CYTH1: variants seen among roughly 807,000 people sequenced by gnomAD.
CYTH1 encodes the protein cytohesin 1.
In CYTH1, 18 loss-of-function variants were observed where a neutral mutation model predicts 61.8. The observed-to-expected ratio is 0.29, with a 90% CI of 0.20 to 0.43. CYTH1 has a LOEUF of 0.43. CYTH1 is among the 20% of genes least tolerant of loss of function. CYTH1 has a pLI of 1.00. For synonymous variants in CYTH1, 174 were observed against 184.3 expected (o/e 0.94, Z 0.45); for missense variants, 336 against 510.5 (o/e 0.66, Z 3.29).
chr17:78,759,974 T>C (rs1333628021), intron 1 of CYTH1, among the ~76,000 whole-genome samples: 6 of 152,198 alleles, frequency 3.9e-5, no homozygotes, highest in African/African-American at 1.4e-4. Flanking sequence ...AGCATGTGCA[T>C]GTATGTACGT....
intron 13 of CYTH1, chr17:78,676,653 A>G (rs531078099): frequency 1.0e-5 from 3 of 289,134 alleles, no homozygotes; most frequent in South Asian, 9.6e-5. Flanking sequence ...TCAGTAACTA[A>G]GGCTCCATGA....
chr17:78,735,202 C>T (rs1481475145), intron 1 of CYTH1, among the ~76,000 whole-genome samples: 1 of 152,186 alleles, frequency 6.6e-6, no homozygotes, highest in Non-Finnish European at 1.5e-5. Flanking sequence ...CCTCATGCCC[C>T]ACCCCCATCA....
intron 1 of CYTH1, among the ~76,000 whole-genome samples, chr17:78,753,059 T>C (rs189179428): frequency 8.1e-4 from 123 of 152,216 alleles, no homozygotes; most frequent in African/African-American, 2.9e-3. Context: ...GGCACATGTA[T>C]GAGTGAGTGT....
intron 11 of CYTH1, among the ~76,000 whole-genome samples, chr17:78,687,076 C>T (rs1255281235): frequency 6.6e-6 from 1 of 152,078 alleles, no homozygotes; most frequent in Admixed American, 6.6e-5. Flanking sequence ...CCACCGCGCC[C>T]AGCCTACATT....
intron 1 of CYTH1, among the ~76,000 whole-genome samples, chr17:78,773,287 C>T (rs1204527601): frequency 2.6e-5 from 4 of 152,068 alleles, no homozygotes; most frequent in Non-Finnish European, 5.9e-5. Context: ...CTGGGTAACA[C>T]AGTGAGACCC....
chr17:78,729,176 T>C (rs536180584), intron 1 of CYTH1, among the ~76,000 whole-genome samples: 1 of 152,280 alleles, frequency 6.6e-6, no homozygotes, highest in African/African-American at 2.4e-5. Flanking sequence ...GGTGTGATCA[T>C]AGCTCACTGC....
Position 78,755,143 on chromosome 17 carries a change from C to G in CYTH1, c.22+27059G>C, listed in dbSNP as rs568151724. On this transcript the variant is annotated intron_variant, in intron 1 of 13. Coordinates refer to ENST00000446868, the MANE Select transcript of CYTH1 (RefSeq NM_004762.6). ...CAGCAATGAAAAGGAACAACTGATA[C>G]CCCCAACAATGAATCTCAAACATAA... is the stretch of plus-strand genomic sequence containing the variant. 4.6e-3 allele frequency among the ~76,000 whole-genome samples: 696 copies of G among 152,208 alleles called. 4 individuals are homozygous for G. The highest frequency in any genetic ancestry group is 7.4e-3 in the Non-Finnish European group (501 of 68,004).
intron 1 of CYTH1, among the ~76,000 whole-genome samples, chr17:78,742,110 T>C (rs2093344076): frequency 1.3e-5 from 2 of 152,264 alleles, no homozygotes; most frequent in African/African-American, 4.8e-5. Flanking sequence ...GCAACATCCT[T>C]GTAACCTTTG....
chr17:78,752,598 A>G (rs1465046564), intron 1 of CYTH1, among the ~76,000 whole-genome samples: 1 of 152,072 alleles, frequency 6.6e-6, no homozygotes, highest in Non-Finnish European at 1.5e-5. Flanking sequence ...ACGCACAGCT[A>G]ATTTTTGTAT....
At chr17:78,679,018 C>T (rs760852409) in intron 13 of CYTH1, among the ~76,000 whole-genome samples, 5 of 152,228 alleles carry the variant, frequency 3.3e-5, no homozygotes, top group Non-Finnish European at 7.3e-5. Flanking sequence ...TCCTTTCCCT[C>T]CATCATCACA....
Position 78,676,088 on chromosome 17 carries a change from CG to C in CYTH1, c.*2del, listed in dbSNP as rs1567817825. The C allele has an allele frequency of 1.2e-6, 2 of 1,605,680 alleles. No individual in the cohort carries two copies. On this transcript the variant is annotated 3_prime_UTR_variant, in exon 14 of 14. Transcript: ENST00000446868. ...CCGCAGACCAACGCCCTTGGCTGCA[CG>C]CTCAGTGTCGCTTCGTGGAGGAGAC...
At chr17:78,708,334 T>A in intron 2 of CYTH1, 73 bp from the exon 3 acceptor site, 2 of 1,379,742 alleles carry the variant, frequency 1.4e-6, no homozygotes, top group Non-Finnish European at 2.0e-6. Flanking sequence ...AAATCTCACA[T>A]AACTCCCTCC....
At chr17:78,720,323 ATTTG>A (rs1567858487) in intron 1 of CYTH1, among the ~76,000 whole-genome samples, 1 of 151,816 alleles carries the variant, frequency 6.6e-6, no homozygotes, top group African/African-American at 2.4e-5. Context: ...TTGTTTTTTT[ATTTG>A]TTTGTTTTTG....
chr17:78,770,575 C>T (rs1012868669), intron 1 of CYTH1, among the ~76,000 whole-genome samples: 5 of 151,910 alleles, frequency 3.3e-5, no homozygotes, highest in African/African-American at 7.3e-5. Context: ...TGCGCCATCA[C>T]GCCTGGCTAA....
intron 1 of CYTH1, among the ~76,000 whole-genome samples, chr17:78,713,378 T>G (rs2093153456): frequency 6.6e-6 from 1 of 152,218 alleles, no homozygotes; most frequent in Non-Finnish European, 1.5e-5. Flanking sequence ...ACATTCATTT[T>G]TTAAAAACAG....
At chr17:78,756,455 C>A (rs1343069377) in intron 1 of CYTH1, among the ~76,000 whole-genome samples, 1 of 151,958 alleles carries the variant, frequency 6.6e-6, no homozygotes. Flanking sequence ...GGAGAAGGAA[C>A]CTGAAAAGTC....
At chr17:78,746,407 C>T (rs559819707) in intron 1 of CYTH1, among the ~76,000 whole-genome samples, 26 of 152,260 alleles carry the variant, frequency 1.7e-4, no homozygotes, top group African/African-American at 4.6e-4. Flanking sequence ...AATGAAATTA[C>T]GCAACACCTG....
In CYTH1 at chr17:78,744,438, C is replaced by T. The variant is rs539059955; in HGVS notation, c.23-34706G>A. 1.3e-4 allele frequency among the ~76,000 whole-genome samples: 20 copies of T among 152,272 alleles called. No homozygotes were observed. The South Asian group carries it at 1.4e-3, about 11-fold the overall frequency. On this transcript the variant is annotated intron_variant, in intron 1 of 13. Coordinates refer to ENST00000446868, the MANE Select transcript of CYTH1 (RefSeq NM_004762.6). ...GGAGACAGCTTAGGGCATACAATCACGCAAGTGTCCTCCAAAGTCCCGAAG... is the reference window on the plus strand; with the variant it reads ...GGAGACAGCTTAGGGCATACAATCATGCAAGTGTCCTCCAAAGTCCCGAAG...
At chr17:78,768,542 G>A (rs541758012) in intron 1 of CYTH1, among the ~76,000 whole-genome samples, 6 of 152,140 alleles carry the variant, frequency 3.9e-5, no homozygotes, top group Admixed American at 6.6e-5. Flanking sequence ...GCTCACCTTC[G>A]TCACCCTGTC....
Sources: gnomAD v4.1 joint callset for allele counts (sites outside exome capture counted in the v4.1 genomes callset) on GRCh38, gnomAD v4.1.1 for gene constraint, MANE v1.5 for transcripts, NCBI Gene and HGNC (gene_info 2026-07-23, HGNC 2026-07-21) for gene names.